Variants in NXPE4 observed in about 807,000 individuals in gnomAD.
The protein encoded by NXPE4 is NXPE family member 4.
In NXPE4, 42 loss-of-function variants were observed where a neutral mutation model predicts 33.3. That is an observed-to-expected ratio of 1.26 (90% CI 0.98 to 1.63). The LOEUF is 1.63. Ranked by LOEUF, NXPE4 falls within the 40% of genes most tolerant of loss-of-function variation. The pLI, the probability that NXPE4 is intolerant of heterozygous loss-of-function variation, is 0.00. For synonymous variants in NXPE4, 253 were observed against 234.9 expected, an observed-to-expected ratio of 1.08 and a Z score of -0.71; for missense variants, 709 against 647.6, an observed-to-expected ratio of 1.09 and a Z score of -1.03.
At chr11:114,619,605 C>T in the NXPE4 span, among the ~76,000 whole-genome samples, 4 of 145,682 alleles carry the variant, frequency 2.7e-5, no homozygotes, top group African/African-American at 1.0e-4. Flanking sequence ...CAGTGCTTCC[C>T]AGTGGAAAAT....
the NXPE4 span, among the ~76,000 whole-genome samples, chr11:114,630,674 G>T: frequency 8.0e-5 from 12 of 150,734 alleles, no homozygotes; most frequent in Admixed American, 4.0e-4. Flanking sequence ...TTGACAAATG[G>T]GATCTAATTA....
chr11:114,625,489 C>T, the NXPE4 span, among the ~76,000 whole-genome samples: 1 of 152,138 alleles, frequency 6.6e-6, no homozygotes, highest in Non-Finnish European at 1.5e-5. Context: ...ATATGTATGG[C>T]CTCGTGGGTA....
the NXPE4 span, among the ~76,000 whole-genome samples, chr11:114,660,228 T>C: frequency 2.1e-4 from 32 of 152,102 alleles, no homozygotes; most frequent in South Asian, 6.0e-3. Context: ...TGACCAAATA[T>C]AAGGAATCAA....
At chr11:114,632,003 T>C in the NXPE4 span, among the ~76,000 whole-genome samples, 2 of 148,280 alleles carry the variant, frequency 1.3e-5, no homozygotes, top group Non-Finnish European at 3.0e-5. Context: ...TAACAGCTAC[T>C]ATTACCTAAT....
At chr11:114,619,305 C>T in the NXPE4 span, among the ~76,000 whole-genome samples, 31 of 152,038 alleles carry the variant, frequency 2.0e-4, no homozygotes, top group Non-Finnish European at 1.9e-4. Flanking sequence ...TGGGTAACCA[C>T]TGTTCCCCGC....
At chr11:114,618,691 A>T in the NXPE4 span, among the ~76,000 whole-genome samples, 1 of 152,000 alleles carries the variant, frequency 6.6e-6, no homozygotes, top group Non-Finnish European at 1.5e-5. Flanking sequence ...CCCACTTGAT[A>T]ATAAGTGCTG....
the NXPE4 span, among the ~76,000 whole-genome samples, chr11:114,658,435 C>T: frequency 6.6e-6 from 1 of 152,106 alleles, no homozygotes; most frequent in Non-Finnish European, 1.5e-5. Flanking sequence ...TGTTTTGGAC[C>T]TCCACTGGGC....
chr11:114,613,699 C>T, the NXPE4 span, among the ~76,000 whole-genome samples: 1 of 151,918 alleles, frequency 6.6e-6, no homozygotes, highest in Admixed American at 6.6e-5. Flanking sequence ...CGTGGGGAGC[C>T]ACTGTTACCC....
At chr11:114,625,472 G>A in the NXPE4 span, among the ~76,000 whole-genome samples, 2 of 151,968 alleles carry the variant, frequency 1.3e-5, no homozygotes, top group African/African-American at 2.4e-5. Flanking sequence ...CTGTCACCCG[G>A]TGGATAATAT....
chr11:114,639,547 C>T, the NXPE4 span, among the ~76,000 whole-genome samples: 72 of 151,156 alleles, frequency 4.8e-4, no homozygotes, highest in Non-Finnish European at 1.5e-5. Flanking sequence ...CAGAAATTAG[C>T]TGTCTTCTGC....
intron 5 of NXPE4, among the ~76,000 whole-genome samples, chr11:114,579,215 C>A (rs1265367674): frequency 6.6e-6 from 1 of 152,098 alleles, no homozygotes; most frequent in Non-Finnish European, 1.5e-5. Context: ...TTTAAACAAC[C>A]AGTTCTCACA....
the NXPE4 span, among the ~76,000 whole-genome samples, chr11:114,643,924 C>T: frequency 6.6e-6 from 1 of 151,866 alleles, no homozygotes; most frequent in Non-Finnish European, 1.5e-5. Flanking sequence ...TTTTTTGTGT[C>T]CTCTCTTATT....
the NXPE4 span, among the ~76,000 whole-genome samples, chr11:114,642,174 T>C: frequency 2.6e-5 from 4 of 151,974 alleles, no homozygotes; most frequent in African/African-American, 7.2e-5. Context: ...ACCCTTGATA[T>C]GATGTGATGA....
chr11:114,616,377 G>C, the NXPE4 span, among the ~76,000 whole-genome samples: 1 of 151,480 alleles, frequency 6.6e-6, no homozygotes, highest in Non-Finnish European at 1.5e-5. Context: ...CTGTTACCCA[G>C]TGGAAAATAA....
chr11:114,652,588 G>A, the NXPE4 span, among the ~76,000 whole-genome samples: 20 of 152,284 alleles, frequency 1.3e-4, no homozygotes, highest in East Asian at 1.2e-3. Context: ...AGTGTTGCTC[G>A]ACATATGTTA....
chr11:114,628,268 AAAT>A, the NXPE4 span, among the ~76,000 whole-genome samples: 1 of 150,410 alleles, frequency 6.6e-6, no homozygotes, highest in Non-Finnish European at 1.5e-5. Context: ...ATATACTTGG[AAAT>A]AAACCTCTCC....
the NXPE4 span, among the ~76,000 whole-genome samples, chr11:114,642,736 G>A: frequency 2.0e-5 from 3 of 152,046 alleles, no homozygotes; most frequent in African/African-American, 7.2e-5. Flanking sequence ...GTGTGCATGT[G>A]TCTTTATAGT....
At chr11:114,665,471 A>AT in the NXPE4 span, among the ~76,000 whole-genome samples, 1 of 152,202 alleles carries the variant, frequency 6.6e-6, no homozygotes, top group Non-Finnish European at 1.5e-5. Context: ...AGTCCTTAAT[A>AT]TATCATTTCT....
chr11:114,674,231 C>T, the NXPE4 span, among the ~76,000 whole-genome samples: 3 of 151,526 alleles, frequency 2.0e-5, no homozygotes, highest in Non-Finnish European at 3.0e-5. Flanking sequence ...AAGTTCATAC[C>T]AACAAAAATG....
Sources: gnomAD v4.1 joint callset for allele counts (sites outside exome capture counted in the v4.1 genomes callset) on GRCh38, gnomAD v4.1.1 for gene constraint, MANE v1.5 for transcripts, NCBI Gene and HGNC (gene_info 2026-07-23, HGNC 2026-07-21) for gene names.